Variants in NINL observed in about 807,000 individuals in gnomAD.
NINL encodes the protein ninein-like protein.
A neutral mutation model predicts 160.3 loss-of-function variants in NINL; 153 were observed. The ratio of observed to expected loss-of-function variants is 0.95; its 90% confidence interval spans 0.84 to 1.09. The LOEUF (loss-of-function observed/expected upper bound fraction) is 1.09. NINL is among the 50% of genes least tolerant of loss of function. The probability of loss-of-function intolerance (pLI) is 0.00; values close to 1 mark genes in which losing one functional copy is unlikely to be tolerated. For synonymous variants in NINL, 800 were observed against 734.8 expected, an observed-to-expected ratio of 1.09 and a Z score of -1.43; for missense variants, 1,829 against 1,764.0, an observed-to-expected ratio of 1.04 and a Z score of -0.66.
chr20:25,468,563 C>G (rs1356685003), intron 18 of NINL, among the ~76,000 whole-genome samples: 1 of 126,054 alleles, frequency 7.9e-6, no homozygotes, highest in African/African-American at 3.5e-5. Context: ...TGGTGCGCAC[C>G]CCCCTGCCCT....
intron 1 of NINL, among the ~76,000 whole-genome samples, chr20:25,583,348 C>T (rs965056932): frequency 2.0e-5 from 3 of 152,104 alleles, no homozygotes; most frequent in African/African-American, 7.2e-5. Context: ...GACATTTATG[C>T]AGCCAACAAC....
intron 1 of NINL, among the ~76,000 whole-genome samples, chr20:25,553,186 C>G (rs2064826185): frequency 7.1e-6 from 1 of 141,458 alleles, no homozygotes. Context: ...CTCAATGCAG[C>G]CTCACATTCC....
intron 1 of NINL, among the ~76,000 whole-genome samples, chr20:25,551,971 G>T (rs2064811689): frequency 6.6e-6 from 1 of 152,210 alleles, no homozygotes; most frequent in South Asian, 2.1e-4. Context: ...TGAGCAATTT[G>T]TGAGGGAGGC....
intron 1 of NINL, among the ~76,000 whole-genome samples, chr20:25,545,960 C>T (rs1324603558): frequency 6.8e-6 from 1 of 146,128 alleles, no homozygotes; most frequent in African/African-American, 2.5e-5. Flanking sequence ...CTCCACAACC[C>T]CTTTTCTTTC....
At chr20:25,520,307 A>G (rs1191204658) in intron 2 of NINL, among the ~76,000 whole-genome samples, 1 of 152,162 alleles carries the variant, frequency 6.6e-6, no homozygotes, top group Non-Finnish European at 1.5e-5. Flanking sequence ...AAATATCACC[A>G]CTAAGTGTTG....
chr20:25,518,792 T>G (rs75230777), intron 2 of NINL, among the ~76,000 whole-genome samples: 2,256 of 152,186 alleles, frequency 0.015, 50 homozygotes, highest in African/African-American at 0.052. Context: ...GATTTCACTT[T>G]TCTCTTATTA....
chr20:25,567,672 T>C lies in NINL; in HGVS notation c.-12+17783A>G, dbSNP rs560422313. On this transcript the variant is annotated intron_variant, in intron 1 of 23. Coordinates refer to ENST00000278886, the MANE Select transcript of NINL (RefSeq NM_025176.6). ...ATGAAGCCAAGAAAAAGATATTCTA[T>C]ATTTTGGGCCATAAAACATATATCA... 9.8e-4 allele frequency among the ~76,000 whole-genome samples: 149 copies of C among 152,260 alleles called. 1 individual carries two copies. Among genetic ancestry groups the C allele is most frequent in the African/African-American group, 3.3e-3 (139 of 41,570 alleles).
At chr20:25,555,029 C>T (rs2064850814) in intron 1 of NINL, among the ~76,000 whole-genome samples, 1 of 152,020 alleles carries the variant, frequency 6.6e-6, no homozygotes, top group Non-Finnish European at 1.5e-5. Context: ...GCCATCAGCA[C>T]CCCGGTAACA....
intron 1 of NINL, among the ~76,000 whole-genome samples, chr20:25,561,575 C>T (rs184823854): frequency 6.6e-6 from 1 of 150,776 alleles, no homozygotes; most frequent in Non-Finnish European, 1.5e-5. Context: ...CGCCATCCCA[C>T]CTAGGAAGTG....
intron 17 of NINL, among the ~76,000 whole-genome samples, chr20:25,470,820 C>A (rs1380122972): frequency 2.0e-5 from 3 of 152,048 alleles, no homozygotes; most frequent in Non-Finnish European, 2.9e-5. Context: ...CATAGTGAGA[C>A]CTTGTCTGTG....
chr20:25,559,951 G>A (rs115001353), intron 1 of NINL, among the ~76,000 whole-genome samples: 2,512 of 152,008 alleles, frequency 0.017, 72 homozygotes, highest in African/African-American at 0.058. Context: ...TTGATTGATT[G>A]AGACAGGGTC....
At chr20:25,496,173 T>C (rs2063748627) in intron 10 of NINL, among the ~76,000 whole-genome samples, 1 of 152,022 alleles carries the variant, frequency 6.6e-6, no homozygotes, top group Admixed American at 6.5e-5. Context: ...TAAAAACAAA[T>C]CAGAAATCCT....
chr20:25,521,536 T>C (rs2064263827), intron 2 of NINL, among the ~76,000 whole-genome samples: 1 of 152,202 alleles, frequency 6.6e-6, no homozygotes, highest in Admixed American at 6.5e-5. Context: ...TTAGGAAAAA[T>C]TTCAGATTTG....
intron 4 of NINL, among the ~76,000 whole-genome samples, chr20:25,511,700 T>C (rs951765871): frequency 6.6e-6 from 1 of 152,134 alleles, no homozygotes; most frequent in African/African-American, 2.4e-5. Context: ...TCACTATCTC[T>C]CCATCCCTGA....
chr20:25,496,967 T>C (rs1050706843), intron 9 of NINL, among the ~76,000 whole-genome samples, 164 bp from the exon 10 acceptor site: 1 of 152,170 alleles, frequency 6.6e-6, no homozygotes, highest in Admixed American at 6.5e-5. Flanking sequence ...TTTCTACAAC[T>C]GCTATGCTCA....
chr20:25,571,105 C>T lies in NINL; in HGVS notation c.-12+14350G>A, dbSNP rs562276137. ...TTCTCACTCATTAATAAGTAAGCCC[C>T]GATGGCTGGCTGGGTGAGGATGCCA... On this transcript the variant is annotated intron_variant, in intron 1 of 23. Transcript: ENST00000278886. Among the ~76,000 whole-genome samples, 9 of 152,226 alleles carry T rather than the reference C, an allele frequency of 5.9e-5. No individual in the cohort carries two copies. The South Asian group carries it at 1.0e-3, about 18-fold the overall frequency.
intron 1 of NINL, among the ~76,000 whole-genome samples, chr20:25,582,543 A>G (rs980982650): frequency 6.6e-6 from 1 of 152,196 alleles, no homozygotes; most frequent in African/African-American, 2.4e-5. Flanking sequence ...TACAAAAAAG[A>G]GTTATCCTCT....
intron 2 of NINL, among the ~76,000 whole-genome samples, chr20:25,522,023 G>A (rs1291552229): frequency 6.6e-6 from 1 of 151,938 alleles, no homozygotes; most frequent in African/African-American, 2.4e-5. Flanking sequence ...CCTCCACCTT[G>A]GCCTCCTGAG....
Position 25,491,528 on chromosome 20 carries a change from G to A in NINL, c.1311-3C>T, listed in dbSNP as rs2063637439. 2 of 1,612,838 alleles carry A rather than the reference G, an allele frequency of 1.2e-6. No individual in the cohort carries two copies. Among genetic ancestry groups the A allele is most frequent in the Admixed American group, 1.7e-5 (1 of 59,958 alleles). On this transcript the variant is annotated splice_region_variant and splice_polypyrimidine_tract_variant and intron_variant, in intron 10 of 23. Coordinates refer to ENST00000278886, the MANE Select transcript of NINL (RefSeq NM_025176.6). The stretch of plus-strand genomic sequence containing the variant: ...CCCGGTACCCCTGCTCCAGATGCCT[G>A]TAACATGTCACACATCACACGTCAG...
Sources: allele counts gnomAD v4.1 joint callset (sites outside exome capture counted in the v4.1 genomes callset), GRCh38; gene constraint gnomAD v4.1.1; transcripts MANE v1.5; gene names NCBI Gene and HGNC (gene_info 2026-07-23, HGNC 2026-07-21).